Variants in STK32C observed in about 807,000 individuals in gnomAD.
STK32C encodes serine/threonine-protein kinase 32C.
STK32C carries 31 observed loss-of-function variants against 56.5 expected under a neutral mutation model. That is an observed-to-expected ratio of 0.55 (90% CI 0.41 to 0.74). The LOEUF (loss-of-function observed/expected upper bound fraction) is 0.74, where lower values mean the gene tolerates loss of function less well. STK32C is among the 30% of genes least tolerant of loss of function. STK32C has a pLI of 0.00. For synonymous variants in STK32C, 309 were observed against 289.4 expected, an observed-to-expected ratio of 1.07 and a Z score of -0.69; for missense variants, 544 against 676.9, an observed-to-expected ratio of 0.80 and a Z score of 2.18.
chr10:132,252,187 G>A (rs1484204142), intron 1 of STK32C, among the ~76,000 whole-genome samples: 2 of 152,350 alleles, frequency 1.3e-5, no homozygotes, highest in South Asian at 2.1e-4. Flanking sequence ...CACATGAACC[G>A]CTGGCCAGGC....
intron 1 of STK32C, among the ~76,000 whole-genome samples, chr10:132,268,309 T>C (rs1389856941): frequency 1.1e-5 from 1 of 92,140 alleles, no homozygotes; most frequent in Non-Finnish European, 2.1e-5. Flanking sequence ...GTCTCTCACA[T>C]TGTGTATGTG....
intron 1 of STK32C, among the ~76,000 whole-genome samples, chr10:132,250,114 G>A (rs2063842738): frequency 6.6e-6 from 1 of 152,266 alleles, no homozygotes; most frequent in Non-Finnish European, 1.5e-5. Flanking sequence ...CCTCTCATGA[G>A]AGTTCCCAGA....
At chr10:132,304,311 C>T (rs2065995454) in intron 1 of STK32C, among the ~76,000 whole-genome samples, 1 of 152,262 alleles carries the variant, frequency 6.6e-6, no homozygotes, top group South Asian at 2.1e-4. Flanking sequence ...GCCTGAGCCC[C>T]TGAGCCCCAC....
chr10:132,281,453 C>T (rs942891059), intron 1 of STK32C, among the ~76,000 whole-genome samples: 4 of 152,264 alleles, frequency 2.6e-5, no homozygotes, highest in African/African-American at 7.2e-5. Context: ...CGGGCCCGCT[C>T]CTGCTGGGTA....
intron 1 of STK32C, among the ~76,000 whole-genome samples, chr10:132,247,725 C>T (rs1260316300): frequency 3.9e-5 from 6 of 152,144 alleles, no homozygotes; most frequent in Non-Finnish European, 5.9e-5. Flanking sequence ...GACCTGTGGC[C>T]TTGGTCTCCT....
intron 10 of STK32C, among the ~76,000 whole-genome samples, chr10:132,218,345 T>C (rs905611226): frequency 3.3e-5 from 5 of 151,898 alleles, no homozygotes; most frequent in Non-Finnish European, 5.9e-5. Flanking sequence ...AAAATAAATA[T>C]GCCAATTAAA....
chr10:132,256,885 GT>G (rs1227201267), intron 1 of STK32C, among the ~76,000 whole-genome samples: 2 of 152,210 alleles, frequency 1.3e-5, no homozygotes, highest in African/African-American at 4.8e-5. Flanking sequence ...GGGGCTTGGG[GT>G]TCCTCCTGAG....
At chr10:132,221,795 T>C (rs561335585) in intron 10 of STK32C, among the ~76,000 whole-genome samples, 65 of 113,446 alleles carry the variant, frequency 5.7e-4, no homozygotes, top group Non-Finnish European at 4.0e-4. Context: ...GAGGGCTTCA[T>C]GTGGCCATCC....
intron 2 of STK32C, among the ~76,000 whole-genome samples, chr10:132,235,823 G>A (rs748889857): frequency 6.6e-6 from 1 of 152,230 alleles, no homozygotes; most frequent in Non-Finnish European, 1.5e-5. Flanking sequence ...GCCTGGCGCA[G>A]TGTGATGGGA....
At position 132,224,479 on chromosome 10, in the gene STK32C, C is replaced by T. The variant is rs752906717; in HGVS notation, c.921G>A (p.Val307=). 5 of 1,584,534 alleles carry T rather than the reference C, an allele frequency of 3.2e-6. No individual in the cohort carries two copies. The highest frequency in any genetic ancestry group is 4.3e-6 in the Non-Finnish European group (5 of 1,165,638). ...GGACGCTCACGGTGCTGAACAGCTGCACCAGGGACTCCACGGCGTTGCTGG... is the reference window on the plus strand; with the variant it reads ...GGACGCTCACGGTGCTGAACAGCTGTACCAGGGACTCCACGGCGTTGCTGG... ...IHSSNAVESL[V]QLFSTVSVQY... is the part of the protein sequence containing the mutation. The change falls in exon 8 of 12, where the codon GTG becomes GTA. Residue 307 remains valine, a synonymous_variant. Transcript: ENST00000298630.
intron 10 of STK32C, among the ~76,000 whole-genome samples, chr10:132,221,185 GC>G (rs2062626830): frequency 6.6e-6 from 1 of 152,020 alleles, no homozygotes; most frequent in African/African-American, 2.4e-5. Context: ...GAGTGTGAGG[GC>G]TTCACGTGGC....
intron 1 of STK32C, among the ~76,000 whole-genome samples, chr10:132,282,242 C>A (rs928628303): frequency 1.3e-5 from 2 of 152,268 alleles, no homozygotes; most frequent in African/African-American, 4.8e-5. Context: ...CAGCCGCCCA[C>A]CCCGGCTCTC....
upstream of STK32C, among the ~76,000 whole-genome samples, chr10:132,309,158 G>C (rs909544347): frequency 6.6e-6 from 1 of 152,150 alleles, no homozygotes; most frequent in African/African-American, 2.4e-5. Context: ...CTGTCATTCA[G>C]CCACTGTGAG....
At chr10:132,263,064 C>T (rs1321710130) in intron 1 of STK32C, among the ~76,000 whole-genome samples, 1 of 152,192 alleles carries the variant, frequency 6.6e-6, no homozygotes, top group East Asian at 1.9e-4. Context: ...ATAGAACTAC[C>T]ATTTGATCCA....
rs373070873 is a variant in STK32C, at chr10:132,316,782, G to A, written c.301+14654C>T. On this transcript the variant is annotated intron_variant, in intron 1 of 3. Transcript: ENST00000368620. The stretch of plus-strand genomic sequence containing the variant: ...TAAAGATACTTAAAAGAGTCCAGGC[G>A]CGGTGGCTTATGCCTGTAATCCCAG... Among the ~76,000 whole-genome samples the A allele has an allele frequency of 7.9e-5, 12 of 152,112 alleles. No homozygotes were observed. The South Asian group carries it at 8.3e-4, about 11-fold the overall frequency.
chr10:132,247,169 A>G (rs79356379), intron 1 of STK32C, among the ~76,000 whole-genome samples: 6,488 of 152,326 alleles, frequency 0.043, 234 homozygotes, highest in African/African-American at 0.098. Context: ...GGCACGGCCT[A>G]GAGTCTCATC....
intron 2 of STK32C, among the ~76,000 whole-genome samples, chr10:132,242,057 C>A (rs2063520366): frequency 6.6e-6 from 1 of 151,964 alleles, no homozygotes; most frequent in African/African-American, 2.4e-5. Context: ...TCGCAGTGAG[C>A]CGAGATCACG....
At chr10:132,287,550 CAAGT>C (rs1489571110) in intron 1 of STK32C, among the ~76,000 whole-genome samples, 2 of 151,352 alleles carry the variant, frequency 1.3e-5, no homozygotes, top group Non-Finnish European at 2.9e-5. Context: ...CTCCCGGGTT[CAAGT>C]GATTCTTCTG....
chr10:132,262,695 G>C (rs1351883849), intron 1 of STK32C, among the ~76,000 whole-genome samples: 1 of 148,926 alleles, frequency 6.7e-6, no homozygotes, highest in Non-Finnish European at 1.5e-5. Context: ...TGTGGATCAC[G>C]AGGTCAGGAG....
Sources: allele counts gnomAD v4.1 joint callset (sites outside exome capture counted in the v4.1 genomes callset), GRCh38; gene constraint gnomAD v4.1.1; transcripts MANE v1.5; gene names NCBI Gene and HGNC (gene_info 2026-07-23, HGNC 2026-07-21).